Variants in GADL1 observed in about 807,000 individuals in gnomAD.
GADL1 encodes the protein acidic amino acid decarboxylase GADL1.
A neutral mutation model predicts 69.5 loss-of-function variants in GADL1; 71 were observed. That is an observed-to-expected ratio of 1.02 (90% confidence interval 0.84 to 1.25). The LOEUF (loss-of-function observed/expected upper bound fraction) is 1.25. Ranked by LOEUF, GADL1 falls within the 50% of genes most tolerant of loss-of-function variation. The pLI, the probability that GADL1 is intolerant of heterozygous loss-of-function variation, is 0.00. For missense variants in GADL1, 737 were observed against 631.8 expected, an observed-to-expected ratio of 1.17 and a Z score of -1.79; for synonymous variants, 254 against 214.4, an observed-to-expected ratio of 1.18 and a Z score of -1.62.
In GADL1 at chr3:30,891,745, A is replaced by G. The variant is rs377522115; in HGVS notation, c.37+2833T>C. Among the ~76,000 whole-genome samples, 107 of 152,330 alleles carry G rather than the reference A, an allele frequency of 7.0e-4. 2 individuals carry two copies. The highest frequency in any genetic ancestry group is 2.3e-3 in the African/African-American group (97 of 41,580). ...GGTATTTGTAGTTCGGCACAGCAAT[A>G]GTAGGGACCATGCACCCAGTGATGA... On this transcript the variant is annotated intron_variant, in intron 1 of 14. Coordinates refer to ENST00000282538, the MANE Select transcript of GADL1 (RefSeq NM_207359.3).
At chr3:30,775,400 A>G (rs931640570) in intron 14 of GADL1, among the ~76,000 whole-genome samples, 2 of 152,254 alleles carry the variant, frequency 1.3e-5, no homozygotes, top group African/African-American at 4.8e-5. Flanking sequence ...ACTACAGGTT[A>G]TAAATCATAT....
chr3:30,784,445 C>T (rs1378920527), intron 13 of GADL1, among the ~76,000 whole-genome samples: 6 of 141,982 alleles, frequency 4.2e-5, no homozygotes. Context: ...TATAGTACTA[C>T]CAGAAAGTTG....
At chr3:30,865,344 C>T (rs545335774) in intron 1 of GADL1, among the ~76,000 whole-genome samples, 2 of 151,546 alleles carry the variant, frequency 1.3e-5, no homozygotes, top group African/African-American at 4.8e-5. Flanking sequence ...AAAGGTTAAG[C>T]TCTGTGAGAG....
chr3:30,770,397 C>T (rs1394230585), intron 14 of GADL1, among the ~76,000 whole-genome samples: 2 of 152,248 alleles, frequency 1.3e-5, no homozygotes, highest in Non-Finnish European at 2.9e-5. Context: ...AAATGATAAA[C>T]TTGGCTCATG....
At position 30,771,664 on chromosome 3, in the gene GADL1, C is replaced by CT. The variant is rs1389152055; in HGVS notation, c.1392+6514dup. 5.9e-5 allele frequency among the ~76,000 whole-genome samples: 9 copies of CT among 152,266 alleles called. No homozygotes were observed. The East Asian group carries it at 1.7e-3, about 29-fold the overall frequency. On this transcript the variant is annotated intron_variant, in intron 14 of 14. Transcript: ENST00000282538. ...CATAAGGTTTAAAAAAGAACCTCATCTTTGAACATTTTTTAAAGTGCTGCA... is the reference window on the plus strand; with the variant it reads ...CATAAGGTTTAAAAAAGAACCTCATCTTTTGAACATTTTTTAAAGTGCTGCA...
intron 5 of GADL1, 139 bp from the exon 6 acceptor site, chr3:30,850,250 C>T (rs1698129198): frequency 6.3e-6 from 4 of 639,940 alleles, no homozygotes; most frequent in Admixed American, 5.9e-5. Flanking sequence ...TGAACACCGA[C>T]CTCCCTGCTC....
intron 11 of GADL1, among the ~76,000 whole-genome samples, chr3:30,804,631 T>G (rs1697221701): frequency 6.6e-6 from 1 of 152,186 alleles, no homozygotes; most frequent in Admixed American, 6.5e-5. Context: ...CCTGTATCCT[T>G]TTATTTCTAA....
At chr3:30,738,862 T>C (rs1184213695) in intron 14 of GADL1, among the ~76,000 whole-genome samples, 1 of 152,202 alleles carries the variant, frequency 6.6e-6, no homozygotes, top group Non-Finnish European at 1.5e-5. Flanking sequence ...CTATAGAAGA[T>C]GAAAATTATG....
intron 14 of GADL1, among the ~76,000 whole-genome samples, chr3:30,749,645 T>C (rs1402963512): frequency 3.3e-5 from 5 of 152,284 alleles, no homozygotes; most frequent in Middle Eastern, 3.4e-3. Flanking sequence ...TTTGTGGTCC[T>C]TGAAATAATA....
chr3:30,822,302 A>AGG (rs1423055607), intron 11 of GADL1, among the ~76,000 whole-genome samples: 1 of 152,022 alleles, frequency 6.6e-6, no homozygotes. Context: ...GACTGAGATG[A>AGG]GGGAGGAGGT....
At chr3:30,787,142 TTACC>T in intron 12 of GADL1, among the ~76,000 whole-genome samples, 1 of 152,166 alleles carries the variant, frequency 6.6e-6, no homozygotes. Flanking sequence ...TGGTACATGT[TTACC>T]TAGGTAACCT....
At chr3:30,871,852 C>T (rs558662698) in intron 1 of GADL1, among the ~76,000 whole-genome samples, 2 of 150,718 alleles carry the variant, frequency 1.3e-5, no homozygotes, top group South Asian at 4.1e-4. Flanking sequence ...CAGTGTCCTA[C>T]CAATAGCCAA....
chr3:30,818,812 G>GC (rs953092692), intron 11 of GADL1, among the ~76,000 whole-genome samples: 7 of 152,072 alleles, frequency 4.6e-5, no homozygotes, highest in African/African-American at 1.7e-4. Context: ...TGTGTGTTGA[G>GC]CTCCACCCTT....
intron 14 of GADL1, among the ~76,000 whole-genome samples, chr3:30,765,199 T>C (rs1466775270): frequency 6.6e-6 from 1 of 152,138 alleles, no homozygotes; most frequent in Non-Finnish European, 1.5e-5. Context: ...CCTTAAGCTG[T>C]CCTTATCCCG....
At chr3:30,808,063 A>G (rs988355855) in intron 11 of GADL1, among the ~76,000 whole-genome samples, 7 of 152,184 alleles carry the variant, frequency 4.6e-5, no homozygotes, top group Non-Finnish European at 1.5e-5. Context: ...CCCAAAAGGA[A>G]GCAAATCAGA....
chr3:30,767,933 C>T (rs1242224918), intron 14 of GADL1, among the ~76,000 whole-genome samples: 1 of 151,916 alleles, frequency 6.6e-6, no homozygotes, highest in Admixed American at 6.6e-5. Flanking sequence ...AATGAATACA[C>T]TGACAATCAG....
chr3:30,733,109 A>C (rs933496530), intron 14 of GADL1, among the ~76,000 whole-genome samples: 8 of 152,200 alleles, frequency 5.3e-5, no homozygotes, highest in Non-Finnish European at 8.8e-5. Flanking sequence ...TATTTTTTTC[A>C]ATGCATTATA....
chr3:30,883,787 CTTCAT>C (rs1698672452), intron 1 of GADL1, among the ~76,000 whole-genome samples: 2 of 151,770 alleles, frequency 1.3e-5, no homozygotes, highest in Non-Finnish European at 2.9e-5. Context: ...CAGTATGTCT[CTTCAT>C]TTATTTGTGT....
At chr3:30,894,058 G>A (rs1469143493) in intron 1 of GADL1, among the ~76,000 whole-genome samples, 1 of 152,182 alleles carries the variant, frequency 6.6e-6, no homozygotes, top group African/African-American at 2.4e-5. Context: ...GAATTCTGCT[G>A]CATACGATCT....
Sources: allele counts gnomAD v4.1 joint callset (sites outside exome capture counted in the v4.1 genomes callset), GRCh38; gene constraint gnomAD v4.1.1; transcripts MANE v1.5; gene names NCBI Gene and HGNC (gene_info 2026-07-23, HGNC 2026-07-21).